The following CNTN5 variants were observed in gnomAD, a reference collection of about 807,000 sequenced individuals.
CNTN5 encodes the protein contactin-5.
In CNTN5, 77 loss-of-function variants were observed where a neutral mutation model predicts 129.1. The ratio of observed to expected loss-of-function variants is 0.60; its 90% CI spans 0.50 to 0.72. The LOEUF (loss-of-function observed/expected upper bound fraction) is 0.72. CNTN5 is among the 30% of genes least tolerant of loss of function. The pLI, the probability that CNTN5 is intolerant of heterozygous loss-of-function variation, is 0.00. For synonymous variants in CNTN5, 509 were observed against 465.6 expected, an observed-to-expected ratio of 1.09 and a Z score of -1.20; for missense variants, 1,478 against 1,328.8, an observed-to-expected ratio of 1.11 and a Z score of -1.75.
intron 2 of CNTN5, among the ~76,000 whole-genome samples, chr11:99,515,052 T>C (rs1379964972): frequency 6.6e-6 from 1 of 151,976 alleles, no homozygotes; most frequent in African/African-American, 2.4e-5. Flanking sequence ...AAATGTATAA[T>C]CATAAGGGCT....
intron 3 of CNTN5, among the ~76,000 whole-genome samples, chr11:99,696,824 T>G (rs1954289745): frequency 1.3e-5 from 2 of 152,014 alleles, no homozygotes; most frequent in Admixed American, 6.6e-5. Flanking sequence ...TGTGCTACTT[T>G]TAGTTAAGTA....
intron 21 of CNTN5, among the ~76,000 whole-genome samples, chr11:100,312,312 C>A (rs1951486985): frequency 6.6e-6 from 1 of 151,980 alleles, no homozygotes; most frequent in Non-Finnish European, 1.5e-5. Flanking sequence ...AGATTTAACA[C>A]TAAATATGAT....
chr11:100,072,209 T>C (rs1247763614), intron 12 of CNTN5, among the ~76,000 whole-genome samples: 2 of 152,098 alleles, frequency 1.3e-5, no homozygotes, highest in Non-Finnish European at 2.9e-5. Context: ...CCCATAGCAA[T>C]GCTTAATAAT....
intron 3 of CNTN5, among the ~76,000 whole-genome samples, chr11:99,601,782 C>G (rs543083946): frequency 1.3e-4 from 20 of 152,292 alleles, no homozygotes; most frequent in African/African-American, 4.6e-4. Flanking sequence ...TGCCTGCTTT[C>G]TGAGCCAGCC....
At chr11:99,739,168 C>T (rs1332985868) in intron 3 of CNTN5, among the ~76,000 whole-genome samples, 4 of 152,024 alleles carry the variant, frequency 2.6e-5, no homozygotes, top group African/African-American at 9.7e-5. Context: ...CCACATAGAG[C>T]ATAATTGTTA....
intron 17 of CNTN5, among the ~76,000 whole-genome samples, chr11:100,258,480 T>A (rs1038782966): frequency 1.3e-5 from 2 of 152,016 alleles, no homozygotes; most frequent in Non-Finnish European, 2.9e-5. Context: ...CCAAGACACA[T>A]AATCATCAGA....
At position 99,369,217 on chromosome 11, in the gene CNTN5, A is replaced by AATAT. The variant is rs3990844; in HGVS notation, c.-71+43742_-71+43745dup. Among the ~76,000 whole-genome samples, 128 of 135,710 alleles carry AATAT rather than the reference A, an allele frequency of 9.4e-4. No homozygotes were observed. The Middle Eastern group carries it at 0.011, about 12-fold the overall frequency. 89.0% of individuals were successfully genotyped at this position (135,710 alleles called of 152,430 possible). On this transcript the variant is annotated intron_variant, in intron 2 of 24. Transcript: ENST00000524871. ...ATAACATATAATATATATTATATAT[A>AATAT]ATATATATATATGTATTTCAAAGGA... is the stretch of plus-strand genomic sequence containing the variant.
At chr11:99,637,949 T>G (rs1951627197) in intron 3 of CNTN5, among the ~76,000 whole-genome samples, 4 of 152,150 alleles carry the variant, frequency 2.6e-5, no homozygotes, top group Admixed American at 2.0e-4. Flanking sequence ...AGGTTGTTTT[T>G]ATTTTTGGTT....
chr11:100,258,266 C>T (rs1252141344), intron 17 of CNTN5, among the ~76,000 whole-genome samples: 1 of 152,104 alleles, frequency 6.6e-6, no homozygotes, highest in East Asian at 1.9e-4. Context: ...CAAACAAAGC[C>T]TCCAGCAAAT....
intron 3 of CNTN5, among the ~76,000 whole-genome samples, chr11:99,711,418 A>C (rs891571676): frequency 6.6e-6 from 1 of 151,886 alleles, no homozygotes; most frequent in Non-Finnish European, 1.5e-5. Context: ...AAATAATATT[A>C]GTTTTATAAA....
At chr11:99,133,149 G>A (rs10892801) in intron 1 of CNTN5, among the ~76,000 whole-genome samples, 137,202 of 151,838 alleles carry the variant, frequency 0.9, 62,181 homozygotes, top group East Asian at 0.99. Flanking sequence ...GAAACAAACA[G>A]TGAGGAGAGG....
intron 1 of CNTN5, among the ~76,000 whole-genome samples, chr11:99,033,837 G>T (rs963516726): frequency 6.6e-6 from 1 of 151,808 alleles, no homozygotes; most frequent in African/African-American, 2.4e-5. Flanking sequence ...GGGCATCCCT[G>T]TCTTGTGCCA....
intron 6 of CNTN5, among the ~76,000 whole-genome samples, chr11:99,910,759 C>T (rs1291358244): frequency 6.6e-6 from 1 of 151,974 alleles, no homozygotes; most frequent in East Asian, 1.9e-4. Context: ...TCATTCATTT[C>T]CTTTTCTCTC....
chr11:99,397,415 A>G (rs757687709), intron 2 of CNTN5, among the ~76,000 whole-genome samples: 3 of 151,790 alleles, frequency 2.0e-5, no homozygotes, highest in Non-Finnish European at 3.0e-5. Context: ...TATGCACTTA[A>G]GGAGTGGGCA....
intron 13 of CNTN5, among the ~76,000 whole-genome samples, chr11:100,179,750 C>T (rs1355072065): frequency 2.0e-5 from 3 of 151,934 alleles, no homozygotes; most frequent in African/African-American, 4.8e-5. Context: ...ATAATTTATC[C>T]ATTGCTAAGC....
intron 18 of CNTN5, among the ~76,000 whole-genome samples, chr11:100,284,933 A>G (rs1398239728): frequency 6.6e-6 from 1 of 152,210 alleles, no homozygotes; most frequent in African/African-American, 2.4e-5. Flanking sequence ...TTAACGTTCT[A>G]CTGTGCCACT....
chr11:100,112,107 T>C (rs1310966356), intron 13 of CNTN5, among the ~76,000 whole-genome samples: 2 of 152,170 alleles, frequency 1.3e-5, no homozygotes, highest in Non-Finnish European at 2.9e-5. Flanking sequence ...TATGACGTGC[T>C]TTAGCCAATG....
chr11:99,543,942 AAAAAG>A, intron 2 of CNTN5, among the ~76,000 whole-genome samples: 1 of 150,564 alleles, frequency 6.6e-6, no homozygotes, highest in Non-Finnish European at 1.5e-5. Flanking sequence ...AAAAAAAAAA[AAAAAG>A]GAAATAAAGT....
intron 4 of CNTN5, among the ~76,000 whole-genome samples, chr11:99,831,361 T>A (rs1303484999): frequency 6.6e-6 from 1 of 152,164 alleles, no homozygotes; most frequent in Non-Finnish European, 1.5e-5. Flanking sequence ...AAAGGTCAGA[T>A]GAATATAGAG....
Sources: allele counts gnomAD v4.1 joint callset (sites outside exome capture counted in the v4.1 genomes callset), GRCh38; gene constraint gnomAD v4.1.1; transcripts MANE v1.5; gene names NCBI Gene and HGNC (gene_info 2026-07-23, HGNC 2026-07-21).